Variants in HIVEP3 observed in about 807,000 individuals in gnomAD.
HIVEP3 encodes the protein HIVEP zinc finger 3.
A neutral mutation model predicts 152.8 loss-of-function variants in HIVEP3; 49 were observed. That is an observed-to-expected ratio of 0.32 (90% confidence interval 0.26 to 0.41). The LOEUF (loss-of-function observed/expected upper bound fraction) is 0.41, where lower values mean the gene tolerates loss of function less well. Ranked by LOEUF, HIVEP3 falls within the 10% of genes least tolerant of loss-of-function variation. The pLI is 1.00. For missense variants in HIVEP3, 2,790 were observed against 3,103.3 expected, an observed-to-expected ratio of 0.90 and a Z score of 2.40; for synonymous variants, 1,269 against 1,289.0, an observed-to-expected ratio of 0.98 and a Z score of 0.33.
intron 2 of HIVEP3, among the ~76,000 whole-genome samples, chr1:41,693,764 T>TTA (rs1646231673): frequency 6.6e-6 from 1 of 152,240 alleles, no homozygotes; most frequent in African/African-American, 2.4e-5. Flanking sequence ...TTTAGTATCA[T>TTA]TATGGTTTCA....
chr1:41,991,732 T>C (rs2124517301), intron 1 of HIVEP3, among the ~76,000 whole-genome samples: 1 of 150,442 alleles, frequency 6.6e-6, no homozygotes, highest in East Asian at 1.9e-4. Context: ...TGATGAACAT[T>C]GATGCAAAAA....
rs1359459699 is a variant in HIVEP3, at chr1:41,582,562, C to T, written c.2236G>A (p.Ala746Thr). The T allele has an allele frequency of 6.2e-7, 1 of 1,611,734 alleles. No homozygotes were observed. Among genetic ancestry groups the T allele is most frequent in the African/African-American group, 1.3e-5 (1 of 74,920 alleles). The change falls in exon 4 of 9, where the codon GCT becomes ACT. Residue 746 changes from alanine (A) to threonine (T), a missense_variant. By Grantham distance (58) the Ala-to-Thr change is moderately conservative. Transcript: ENST00000372583. This position sits in a 1 kb window ranked among gnomAD's most constrained non-coding sequence, Gnocchi z 4.7. ...GTGGACTCCAGGGGAAGGTTCCGAG[C>T]AGCATCAGATGGCCCGGGGCTGCCA... ...QFGSPGPSDA[A>T]RNLPLESTKS...
intron 1 of HIVEP3, among the ~76,000 whole-genome samples, chr1:41,961,749 T>C (rs567189187): frequency 1.3e-5 from 2 of 152,368 alleles, no homozygotes; most frequent in Non-Finnish European, 2.9e-5. Flanking sequence ...AAACATTCCC[T>C]GATTCCAAGA....
intron 1 of HIVEP3, among the ~76,000 whole-genome samples, chr1:42,001,827 T>C (rs1005691484): frequency 4.6e-5 from 7 of 152,136 alleles, no homozygotes; most frequent in Non-Finnish European, 1.0e-4. Flanking sequence ...CCGGGGTATC[T>C]CACCACTACC....
At chr1:41,681,503 G>A (rs1386529041) in intron 2 of HIVEP3, among the ~76,000 whole-genome samples, 1 of 152,218 alleles carries the variant, frequency 6.6e-6, no homozygotes, top group East Asian at 1.9e-4. Flanking sequence ...ACATACTAAA[G>A]TGCTCAGCTG....
At chr1:41,576,282 C>T (rs1045759893) in intron 4 of HIVEP3, among the ~76,000 whole-genome samples, 1 of 152,200 alleles carries the variant, frequency 6.6e-6, no homozygotes, top group East Asian at 1.9e-4. Flanking sequence ...AGCAGGACGT[C>T]CCCAATTCCA....
chr1:41,907,976 G>A (rs1644740608), intron 1 of HIVEP3, among the ~76,000 whole-genome samples: 1 of 152,176 alleles, frequency 6.6e-6, no homozygotes, highest in Admixed American at 6.5e-5. Flanking sequence ...TGGTCTCCAG[G>A]TGGTGAAGCC....
chr1:41,575,463 G>T, intron 5 of HIVEP3, 81 bp downstream of exon 5: 1 of 1,487,688 alleles, frequency 6.7e-7, no homozygotes. Context: ...TGCCAACTGA[G>T]CCACTGCTGC....
intron 2 of HIVEP3, among the ~76,000 whole-genome samples, chr1:41,673,882 C>A (rs74071905): frequency 5.9e-4 from 90 of 152,334 alleles, no homozygotes; most frequent in African/African-American, 2.0e-3. Context: ...AAAAGCATCA[C>A]GTTAGGTGCC....
intron 1 of HIVEP3, among the ~76,000 whole-genome samples, chr1:41,710,332 G>A (rs1044762825): frequency 6.6e-6 from 1 of 152,168 alleles, no homozygotes; most frequent in Non-Finnish European, 1.5e-5. Flanking sequence ...GCACAGAGAA[G>A]AGCAAGGGTG....
rs1646051866 is a variant in HIVEP3 at position 41,682,323 on chromosome 1, T to C, written c.-721+18593A>G. 2.0e-5 allele frequency among the ~76,000 whole-genome samples: 3 copies of C among 152,162 alleles called. No individual in the cohort carries two copies. In the South Asian group the frequency reaches 6.2e-4, roughly 31 times the overall value. ...TCCTGGCTTCCGTGGCACTCTGTGC[T>C]TATGGCATTGCTGTGGATGTGTCTG... On this transcript the variant is annotated intron_variant, in intron 2 of 8. Coordinates refer to ENST00000372583, the MANE Select transcript of HIVEP3 (RefSeq NM_024503.5).
intron 1 of HIVEP3, among the ~76,000 whole-genome samples, chr1:41,863,770 C>G (rs1475041985): frequency 1.3e-5 from 2 of 152,162 alleles, no homozygotes; most frequent in African/African-American, 4.8e-5. Flanking sequence ...TGACCTTGGA[C>G]AAGTCATTTA....
rs1430167786 is a variant in HIVEP3, at chr1:41,582,742, C to T, written c.2056G>A (p.Glu686Lys). The T allele has an allele frequency of 1.2e-6, 2 of 1,614,212 alleles. No homozygotes were observed. The highest frequency in any genetic ancestry group is 1.1e-5 in the South Asian group (1 of 91,086). Residue 686 changes from glutamate to lysine, a missense_variant, in exon 4 of 9, where the codon GAA becomes AAA. By Grantham distance (56) the Glu-to-Lys change is moderately conservative (BLOSUM62 1). This residue lies in a region of HIVEP3 where 339 missense variants were observed against 327.0 expected (regional missense o/e 1.04). Coordinates refer to ENST00000372583, the MANE Select transcript of HIVEP3 (RefSeq NM_024503.5). The surrounding 1 kb of genome is among the most constrained non-coding windows in gnomAD (Gnocchi z 4.7). ...GGCTCATGCTCAATCTGACTCTTTT[C>T]AGCTTCTGGAGATGTGTGGGTGCCT... The part of the protein sequence containing the change: ...SAGTHTSPEA[E>K]KSQIEHEPWS...
intron 4 of HIVEP3, 34 bp from the exon 5 acceptor site, chr1:41,575,723 G>C: frequency 6.2e-7 from 1 of 1,608,922 alleles, no homozygotes; most frequent in Non-Finnish European, 8.5e-7. Flanking sequence ...AATCATTGCT[G>C]GTTAAAAGTG....
At chr1:41,832,375 T>A (rs1471073014) in intron 1 of HIVEP3, among the ~76,000 whole-genome samples, 1 of 151,670 alleles carries the variant, frequency 6.6e-6, no homozygotes, top group African/African-American at 2.4e-5. Context: ...AAAAATTTTT[T>A]AAAAAATTAG....
At chr1:41,800,788 G>C (rs1253215793) in intron 1 of HIVEP3, among the ~76,000 whole-genome samples, 1 of 152,168 alleles carries the variant, frequency 6.6e-6, no homozygotes, top group Non-Finnish European at 1.5e-5. Context: ...AGTACCAAGG[G>C]TATCAGAAAT....
In HIVEP3 at chr1:41,575,614, C is replaced by G. The variant is rs761442457; in HGVS notation, c.5137G>C (p.Gly1713Arg). The part of the protein sequence containing the change: ...ARVEKEEERR[G>R]EPEEDAPASQ... Reference sequence around the variant, plus strand: ...GCAGGAGCATCCTCCTCCGGCTCCCCTCTCCTCTCTTCTTCCTTCTCCACT... The same window carrying G: ...GCAGGAGCATCCTCCTCCGGCTCCCGTCTCCTCTCTTCTTCCTTCTCCACT... Residue 1713 changes from glycine (G) to arginine (R), a missense_variant, in exon 5 of 9, where the codon GGG becomes CGG. Gly to Arg is a moderately radical substitution (Grantham distance 125, BLOSUM62 -2). Around this residue, in one of 9 missense-constraint regions of HIVEP3, gnomAD observed 1,078 missense variants for 1,165.3 expected, o/e 0.93. Transcript: ENST00000372583. 6.2e-7 allele frequency: 1 copy of G among 1,614,150 alleles called. No homozygotes were observed. Among genetic ancestry groups the G allele is most frequent in the South Asian group, 1.1e-5 (1 of 91,084 alleles).
At chr1:41,734,640 A>T (rs1045405422) in intron 1 of HIVEP3, among the ~76,000 whole-genome samples, 1 of 152,166 alleles carries the variant, frequency 6.6e-6, no homozygotes, top group Non-Finnish European at 1.5e-5. Context: ...GAGACCAGAG[A>T]GGAGGTGACT....
chr1:41,899,755 C>T (rs536024914), intron 1 of HIVEP3, among the ~76,000 whole-genome samples: 6 of 152,194 alleles, frequency 3.9e-5, no homozygotes, highest in Admixed American at 6.5e-5. Flanking sequence ...TTCATTGAAT[C>T]ATTTAACTCT....
Sources: gnomAD v4.1 joint callset for allele counts (sites outside exome capture counted in the v4.1 genomes callset) on GRCh38, gnomAD v4.1.1 for gene constraint, gnomAD v4.1.1 regional missense constraint, Gnocchi (gnomAD v3.1) non-coding constraint, MANE v1.5 for transcripts, NCBI Gene and HGNC (gene_info 2026-07-23, HGNC 2026-07-21) for gene names.